The following NAALADL2 variants were observed in gnomAD, a reference collection of about 807,000 sequenced individuals.
NAALADL2 encodes inactive N-acetylated-alpha-linked acidic dipeptidase-like protein 2.
NAALADL2 carries 76 observed loss-of-function variants against 87.2 expected under a neutral mutation model. The observed-to-expected ratio is 0.87, with a 90% CI of 0.72 to 1.05. The LOEUF (loss-of-function observed/expected upper bound fraction) is 1.05. Ranked by LOEUF, NAALADL2 falls within the 50% of genes least tolerant of loss-of-function variation. NAALADL2 has a pLI of 0.00. For synonymous variants in NAALADL2, 354 were observed against 331.0 expected (o/e 1.07, Z -0.75); for missense variants, 1,089 against 945.8 (o/e 1.15, Z -1.99).
At chr3:174,819,753 C>T (rs1259622453) in intron 3 of NAALADL2, among the ~76,000 whole-genome samples, 2 of 150,630 alleles carry the variant, frequency 1.3e-5, no homozygotes, top group Admixed American at 1.3e-4. Context: ...AAATAGTTAT[C>T]TCTCATCTAC....
At chr3:174,722,329 T>C (rs1476193113) in intron 2 of NAALADL2, among the ~76,000 whole-genome samples, 2 of 152,228 alleles carry the variant, frequency 1.3e-5, no homozygotes, top group African/African-American at 4.8e-5. Flanking sequence ...TTTCATTTCC[T>C]TCTTTCCAAG....
intron 5 of NAALADL2, among the ~76,000 whole-genome samples, chr3:175,356,128 C>T (rs1276141887): frequency 6.6e-6 from 1 of 152,078 alleles, no homozygotes; most frequent in African/African-American, 2.4e-5. Context: ...TTACTAAATG[C>T]CTTCTCATCA....
chr3:175,097,195 G>A lies in NAALADL2; in HGVS notation c.449G>A (p.Cys150Tyr), dbSNP rs767311426. Residue 150 changes from cysteine to tyrosine, a missense_variant, in exon 2 of 14, where the codon TGC (cysteine) becomes TAC (tyrosine). Transcript: ENST00000454872. ...ILIGYYVHTN[C>Y]PSDAPSSGTV... The stretch of plus-strand genomic sequence containing the variant: ...ATAGGTTATTATGTACATACAAATT[G>A]CCCTTCAGATGCTCCATCTTCAGGA... The A allele has an allele frequency of 1.2e-6, 2 of 1,613,420 alleles. No homozygotes were observed. The highest frequency in any genetic ancestry group is 1.7e-5 in the Admixed American group (1 of 59,988).
intron 9 of NAALADL2, among the ~76,000 whole-genome samples, chr3:175,534,888 T>C (rs1734593670): frequency 6.6e-6 from 1 of 152,012 alleles, no homozygotes; most frequent in African/African-American, 2.4e-5. Flanking sequence ...CTTTCTTTCT[T>C]TGTTCACACT....
intron 3 of NAALADL2, among the ~76,000 whole-genome samples, chr3:174,779,502 G>T (rs925676125): frequency 1.8e-4 from 27 of 152,108 alleles, no homozygotes; most frequent in African/African-American, 2.2e-4. Context: ...GTCAATTTTG[G>T]CTTTTGTTGC....
rs367754744 is a variant in NAALADL2, at chr3:174,747,304, G to A, written c.-9+9558G>A. On this transcript the variant is annotated intron_variant, in intron 3 of 3. Transcript: ENST00000434257. ...GACACTTCTCAAGGAATACATTTAC[G>A]TGGCCAAAAAACATATGAAGAAAAG... is the stretch of plus-strand genomic sequence containing the variant. 4.6e-5 allele frequency among the ~76,000 whole-genome samples: 7 copies of A among 152,062 alleles called. No homozygotes were observed. The South Asian group carries it at 6.2e-4, about 14-fold the overall frequency.
Position 175,375,300 on chromosome 3 carries a change from C to T in NAALADL2, c.1090+50975C>T, listed in dbSNP as rs186731602. On this transcript the variant is annotated intron_variant, in intron 5 of 13. Coordinates refer to ENST00000454872, the MANE Select transcript of NAALADL2 (RefSeq NM_207015.3). ...ATTTCAATATAAATTTTAAAATAAA[C>T]GTGTCAATATCTATAACATAGCCCA... is the stretch of plus-strand genomic sequence containing the variant. 5.6e-4 allele frequency among the ~76,000 whole-genome samples: 85 copies of T among 152,118 alleles called. 2 individuals are homozygous for T. Among genetic ancestry groups the T allele is most frequent in the Non-Finnish European group, 8.2e-4 (56 of 67,996 alleles).
intron 1 of NAALADL2, among the ~76,000 whole-genome samples, chr3:174,889,401 T>C (rs1730594573): frequency 6.6e-6 from 1 of 152,122 alleles, no homozygotes; most frequent in Non-Finnish European, 1.5e-5. Flanking sequence ...GGATGTGGGA[T>C]TTACACCTGG....
chr3:175,550,543 G>A (rs1016851215), intron 9 of NAALADL2, among the ~76,000 whole-genome samples: 5 of 152,128 alleles, frequency 3.3e-5, no homozygotes, highest in Admixed American at 2.6e-4. Flanking sequence ...TAAAGATATT[G>A]TTAAGGATAC....
intron 2 of NAALADL2, among the ~76,000 whole-genome samples, chr3:174,609,172 T>A (rs1012490606): frequency 1.3e-5 from 2 of 152,130 alleles, no homozygotes; most frequent in African/African-American, 4.8e-5. Context: ...GTCAAAATAA[T>A]AAGAGCTATC....
intron 13 of NAALADL2, among the ~76,000 whole-genome samples, chr3:175,797,834 G>T (rs1003795186): frequency 6.6e-6 from 1 of 151,994 alleles, no homozygotes; most frequent in African/African-American, 2.4e-5. Context: ...CAAACAAGAA[G>T]CATTTGCATA....
chr3:175,719,355 A>G (rs536884908), intron 11 of NAALADL2, among the ~76,000 whole-genome samples: 1 of 152,030 alleles, frequency 6.6e-6, no homozygotes, highest in South Asian at 2.1e-4. Context: ...TTGAAAGTGC[A>G]CATGTACCCT....
chr3:175,164,193 T>C (rs1331695974), intron 2 of NAALADL2, among the ~76,000 whole-genome samples: 5 of 151,992 alleles, frequency 3.3e-5, no homozygotes, highest in Admixed American at 6.6e-5. Flanking sequence ...AAACTTAATA[T>C]AGCCATGAAA....
At chr3:174,868,520 T>C (rs535883884) in intron 1 of NAALADL2, among the ~76,000 whole-genome samples, 3 of 152,258 alleles carry the variant, frequency 2.0e-5, no homozygotes, top group East Asian at 3.9e-4. Flanking sequence ...CTCATCCTTA[T>C]TGTTATCCAT....
intron 13 of NAALADL2, among the ~76,000 whole-genome samples, chr3:175,781,701 GCTTTT>G (rs1751117719): frequency 6.7e-6 from 1 of 150,260 alleles, no homozygotes; most frequent in East Asian, 1.9e-4. Flanking sequence ...TTAACATAAC[GCTTTT>G]ATTTTTTTTA....
intron 1 of NAALADL2, among the ~76,000 whole-genome samples, chr3:175,056,154 C>T (rs559614413): frequency 1.8e-4 from 27 of 152,184 alleles, no homozygotes; most frequent in East Asian, 7.7e-4. Flanking sequence ...AGGGTCCGGC[C>T]GCTCTTTTTC....
chr3:175,296,416 A>G (rs546256997), intron 4 of NAALADL2, among the ~76,000 whole-genome samples: 1 of 152,282 alleles, frequency 6.6e-6, no homozygotes, highest in African/African-American at 2.4e-5. Context: ...TAGACTTGCC[A>G]CGCTGGATCT....
chr3:174,783,737 T>C (rs1716276100), intron 3 of NAALADL2, among the ~76,000 whole-genome samples: 2 of 152,084 alleles, frequency 1.3e-5, no homozygotes, highest in South Asian at 4.1e-4. Context: ...CATTGTTGCT[T>C]GAGTCTTGTG....
At chr3:174,488,493 G>A (rs1717993739) in intron 1 of NAALADL2, among the ~76,000 whole-genome samples, 1 of 152,050 alleles carries the variant, frequency 6.6e-6, no homozygotes, top group African/African-American at 2.4e-5. Flanking sequence ...TGTAGGCACT[G>A]ATGCTTTTAA....
Sources: allele counts gnomAD v4.1 joint callset (sites outside exome capture counted in the v4.1 genomes callset), GRCh38; gene constraint gnomAD v4.1.1; transcripts MANE v1.5; gene names NCBI Gene and HGNC (gene_info 2026-07-23, HGNC 2026-07-21).